Variants in SOBP observed in about 807,000 individuals in gnomAD.
SOBP encodes the protein sine oculis binding protein homolog, also known as sine oculis-binding protein homolog.
A neutral mutation model predicts 53.6 loss-of-function variants in SOBP; 4 were observed. The ratio of observed to expected loss-of-function variants is 0.07; its 90% CI spans 0.04 to 0.17. The LOEUF (loss-of-function observed/expected upper bound fraction) is 0.17. Among genes scored for constraint, SOBP ranks in the 10% least tolerant of loss-of-function variants. The pLI is 1.00. For synonymous variants in SOBP, 584 were observed against 522.6 expected, an observed-to-expected ratio of 1.12 and a Z score of -1.60; for missense variants, 1,088 against 1,204.7, an observed-to-expected ratio of 0.90 and a Z score of 1.43.
At chr6:107,606,947 G>T (rs947255865) in intron 5 of SOBP, among the ~76,000 whole-genome samples, 2 of 152,208 alleles carry the variant, frequency 1.3e-5, no homozygotes, top group African/African-American at 4.8e-5. Flanking sequence ...TTTGTGCCTG[G>T]TAGACTCCTT....
At chr6:107,532,270 CACCACA>C (rs1307762423) in intron 3 of SOBP, among the ~76,000 whole-genome samples, 2 of 146,052 alleles carry the variant, frequency 1.4e-5, no homozygotes, top group East Asian at 4.0e-4. Context: ...CACACACACA[CACCACA>C]CACACACACA....
intron 5 of SOBP, among the ~76,000 whole-genome samples, chr6:107,605,608 T>C (rs936563710): frequency 6.6e-6 from 1 of 152,196 alleles, no homozygotes; most frequent in African/African-American, 2.4e-5. Flanking sequence ...AGCATGAATC[T>C]TCAGCATTCT....
At chr6:107,494,078 C>T (rs184316221) in intron 1 of SOBP, among the ~76,000 whole-genome samples, 14 of 152,154 alleles carry the variant, frequency 9.2e-5, no homozygotes, top group African/African-American at 3.4e-4. Context: ...GTTTCTTTAT[C>T]TTTCCTTTTC....
At chr6:107,615,153 T>C (rs1232089126) in intron 5 of SOBP, among the ~76,000 whole-genome samples, 1 of 152,212 alleles carries the variant, frequency 6.6e-6, no homozygotes, top group Non-Finnish European at 1.5e-5. Flanking sequence ...TCTCTATATT[T>C]CATGCAGCCA....
At chr6:107,625,899 T>G (rs539003771) in intron 5 of SOBP, among the ~76,000 whole-genome samples, 16 of 152,340 alleles carry the variant, frequency 1.1e-4, no homozygotes, top group African/African-American at 3.4e-4. Context: ...GCTGGGCAAC[T>G]AGCATACTTC....
intron 5 of SOBP, among the ~76,000 whole-genome samples, chr6:107,628,278 G>A (rs912666046): frequency 1.3e-5 from 2 of 152,228 alleles, no homozygotes; most frequent in African/African-American, 4.8e-5. Context: ...GGCTTTTCAG[G>A]ATGGTGGGCA....
At chr6:107,516,294 T>C (rs764466807) in intron 3 of SOBP, among the ~76,000 whole-genome samples, 1 of 152,090 alleles carries the variant, frequency 6.6e-6, no homozygotes, top group African/African-American at 2.4e-5. Context: ...AAACCTAGTC[T>C]GTACTAAAAA....
intron 4 of SOBP, among the ~76,000 whole-genome samples, chr6:107,570,127 T>G (rs1314629756): frequency 2.6e-5 from 4 of 152,170 alleles, no homozygotes; most frequent in Admixed American, 1.3e-4. Context: ...TGAGAGCAAG[T>G]TGGTGTTTTT....
chr6:107,585,905 A>G (rs1382629350), intron 4 of SOBP, among the ~76,000 whole-genome samples: 1 of 152,236 alleles, frequency 6.6e-6, no homozygotes, highest in African/African-American at 2.4e-5. Flanking sequence ...TAAAGGAGGA[A>G]CAATACATAA....
chr6:107,539,535 G>T (rs1004345525), intron 4 of SOBP, among the ~76,000 whole-genome samples: 5 of 152,182 alleles, frequency 3.3e-5, no homozygotes, highest in African/African-American at 1.2e-4. Flanking sequence ...CATCGGAACT[G>T]CCGGTAATTA....
At chr6:107,575,303 A>C (rs894794943) in intron 4 of SOBP, among the ~76,000 whole-genome samples, 1 of 152,110 alleles carries the variant, frequency 6.6e-6, no homozygotes, top group Non-Finnish European at 1.5e-5. Context: ...ATTAAATCTT[A>C]TTATTATTGT....
chr6:107,524,972 CAA>C (rs1783620225), intron 3 of SOBP, among the ~76,000 whole-genome samples: 1 of 152,208 alleles, frequency 6.6e-6, no homozygotes, highest in Non-Finnish European at 1.5e-5. Context: ...TTGGTGGAAA[CAA>C]AATGTCCTGC....
At position 107,533,296 on chromosome 6, in the gene SOBP, A is replaced by AAG. The variant is rs1783893679; in HGVS notation, c.422-163_422-162insAG. Among the ~76,000 whole-genome samples the AAG allele has an allele frequency of 2.1e-5, 3 of 144,710 alleles. No individual in the cohort carries two copies. In the East Asian group the frequency reaches 6.2e-4, roughly 30 times the overall value. 94.9% of individuals were successfully genotyped at this position (144,710 alleles called of 152,430 possible). The stretch of plus-strand genomic sequence containing the variant: ...CAAAAAAAAAAAAAAAAAAAAAAAA[A>AAG]GAGAGAGAGAAAGAGAGAGAGAGAG... On this transcript the variant is annotated intron_variant, in intron 3 of 6. Transcript: ENST00000317357.
In SOBP at chr6:107,634,667, T is replaced by C; in HGVS notation, c.1823T>C (p.Leu608Pro). The change falls in exon 6 of 7, where the codon CTG (leucine) becomes CCG (proline). Residue 608 changes from leucine to proline, a missense_variant. Physicochemically the swap from Leu to Pro is moderately conservative, Grantham distance 98. Coordinates refer to ENST00000317357, the MANE Select transcript of SOBP (RefSeq NM_018013.4). The surrounding 1 kb of genome is among the most constrained non-coding windows in gnomAD (Gnocchi z 4.5). The stretch of plus-strand genomic sequence containing the variant: ...GGCTGCTCGGGCCAGGCCCTGAGCC[T>C]GGCGCCCACGCCCGCCGAGCATGGC... ...PPGCSGQALS[L>P]APTPAEHGRS... The C allele has an allele frequency of 6.5e-7, 1 of 1,544,446 alleles. No individual in the cohort carries two copies. Among genetic ancestry groups the C allele is most frequent in the Non-Finnish European group, 8.7e-7 (1 of 1,151,416 alleles).
chr6:107,566,690 C>T (rs1041567401), intron 4 of SOBP, among the ~76,000 whole-genome samples: 1 of 152,218 alleles, frequency 6.6e-6, no homozygotes, highest in Non-Finnish European at 1.5e-5. Flanking sequence ...ATGTACAAAT[C>T]CATCATGGCC....
intron 4 of SOBP, among the ~76,000 whole-genome samples, chr6:107,574,347 T>C (rs1785163045): frequency 6.6e-6 from 1 of 152,224 alleles, no homozygotes; most frequent in South Asian, 2.1e-4. Flanking sequence ...AATAACAGCT[T>C]TCTATTCTGT....
chr6:107,610,032 C>T (rs1786533514), intron 5 of SOBP, among the ~76,000 whole-genome samples: 1 of 152,140 alleles, frequency 6.6e-6, no homozygotes, highest in Non-Finnish European at 1.5e-5. Flanking sequence ...CATTTACAAC[C>T]ACCTCTTCTT....
intron 4 of SOBP, among the ~76,000 whole-genome samples, chr6:107,560,856 G>T (rs150422715): frequency 3.3e-5 from 5 of 152,102 alleles, no homozygotes; most frequent in African/African-American, 7.2e-5. Flanking sequence ...TCCTATTGAC[G>T]CAACTGAAAT....
chr6:107,556,466 C>G (rs1482134628), intron 4 of SOBP, among the ~76,000 whole-genome samples: 1 of 152,236 alleles, frequency 6.6e-6, no homozygotes, highest in East Asian at 1.9e-4. Context: ...TCCATCACCT[C>G]AGACACTTTC....
Sources: gnomAD v4.1 joint callset for allele counts (sites outside exome capture counted in the v4.1 genomes callset) on GRCh38, gnomAD v4.1.1 for gene constraint, Gnocchi (gnomAD v3.1) non-coding constraint, MANE v1.5 for transcripts, NCBI Gene and HGNC (gene_info 2026-07-23, HGNC 2026-07-21) for gene names.